MGAT4A: variants seen among roughly 807,000 people sequenced by gnomAD.
MGAT4A encodes the protein N-acetylglucosaminyltransferase IVa.
MGAT4A carries 33 observed loss-of-function variants against 74.1 expected under a neutral mutation model. The ratio of observed to expected loss-of-function variants is 0.45; its 90% CI spans 0.34 to 0.60. MGAT4A has a LOEUF of 0.60. Ranked by LOEUF, MGAT4A falls within the 20% of genes least tolerant of loss-of-function variation. The probability of loss-of-function intolerance (pLI) is 0.02; values close to 1 mark genes in which losing one functional copy is unlikely to be tolerated. For synonymous variants in MGAT4A, 198 were observed against 210.4 expected (o/e 0.94, Z 0.51); for missense variants, 479 against 628.3 (o/e 0.76, Z 2.54).
intron 2 of MGAT4A, among the ~76,000 whole-genome samples, chr2:98,720,709 G>A (rs1702657387): frequency 6.6e-6 from 1 of 152,074 alleles, no homozygotes; most frequent in Admixed American, 6.6e-5. Context: ...ACACAATGGA[G>A]AAAGAATTAG....
At chr2:98,675,551 CTTT>C (rs143576109) in intron 3 of MGAT4A, among the ~76,000 whole-genome samples, 1 of 144,134 alleles carries the variant, frequency 6.9e-6, no homozygotes. Flanking sequence ...CTTCCATTTT[CTTT>C]TTTTTTTTTT....
chr2:98,663,550 G>A (rs1701783877), intron 4 of MGAT4A: 1 of 1,056,460 alleles, frequency 9.5e-7, no homozygotes, highest in Non-Finnish European at 1.3e-6. Context: ...ATGCCGAGAA[G>A]AGCACAACAT....
chr2:98,708,554 A>G (rs1702473106), intron 2 of MGAT4A, among the ~76,000 whole-genome samples: 1 of 152,224 alleles, frequency 6.6e-6, no homozygotes, highest in Non-Finnish European at 1.5e-5. Flanking sequence ...TAGTAACAAA[A>G]CAAAGATCCA....
In MGAT4A at chr2:98,619,892, GCAC is replaced by G. The variant is rs1474209854; in HGVS notation, c.*5671_*5673del. 1.3e-5 allele frequency: 2 copies of G among 152,068 alleles called. No individual in the cohort carries two copies. Among genetic ancestry groups the G allele is most frequent in the African/African-American group, 2.4e-5 (1 of 41,384 alleles). 9.4% of individuals were successfully genotyped at this position (152,068 alleles called of 1,614,324 possible). On this transcript the variant is annotated 3_prime_UTR_variant, in exon 16 of 16. Coordinates refer to ENST00000393487, the MANE Select transcript of MGAT4A (RefSeq NM_012214.3). ...CAATCTTCATTTCAGAACAATTTTA[GCAC>G]CACTTTTTTTTTTCCACAATTTTGA...
Position 98,708,541 on chromosome 2 carries a change from AC to A in MGAT4A, c.94+17697del, listed in dbSNP as rs1702472900. Reference sequence around the variant, plus strand: ...GCTAGGAAGACACTTCAGCAGTTACACTTAGTAACAAAACAAAGATCCACTG... The same window carrying A: ...GCTAGGAAGACACTTCAGCAGTTACATTAGTAACAAAACAAAGATCCACTG... On this transcript the variant is annotated intron_variant, in intron 2 of 15. Coordinates refer to ENST00000393487, the MANE Select transcript of MGAT4A (RefSeq NM_012214.3). Among the ~76,000 whole-genome samples, 7 of 152,334 alleles carry A rather than the reference AC, an allele frequency of 4.6e-5. No individual in the cohort carries two copies. The South Asian group carries it at 1.4e-3, about 32-fold the overall frequency.
At chr2:98,647,820 C>T (rs1184363757) in intron 8 of MGAT4A, among the ~76,000 whole-genome samples, 1 of 152,232 alleles carries the variant, frequency 6.6e-6, no homozygotes, top group East Asian at 1.9e-4. Flanking sequence ...AGGGGTATGT[C>T]TATGACAATC....
At chr2:98,666,429 A>G (rs1701831789) in intron 4 of MGAT4A, among the ~76,000 whole-genome samples, 1 of 152,220 alleles carries the variant, frequency 6.6e-6, no homozygotes, top group African/African-American at 2.4e-5. Context: ...GTGGTGGCTG[A>G]TGCCTTTAAT....
chr2:98,687,806 C>T (rs78020837), intron 2 of MGAT4A, among the ~76,000 whole-genome samples: 4,576 of 152,280 alleles, frequency 0.03, 110 homozygotes, highest in Non-Finnish European at 0.046. Context: ...GACACCATTT[C>T]CAACACCGGC....
chr2:98,721,661 A>G (rs1029242664), intron 2 of MGAT4A, among the ~76,000 whole-genome samples: 2 of 152,194 alleles, frequency 1.3e-5, no homozygotes, highest in Non-Finnish European at 2.9e-5. Context: ...ACAGACCTAC[A>G]TAGGAGCAAC....
chr2:98,650,903 G>A (rs1466692272), intron 8 of MGAT4A, among the ~76,000 whole-genome samples: 1 of 152,024 alleles, frequency 6.6e-6, no homozygotes, highest in Non-Finnish European at 1.5e-5. Flanking sequence ...AGCCGAGATC[G>A]CGCCACTGCA....
chr2:98,645,634 A>G (rs959832349), intron 8 of MGAT4A, 92 bp from the exon 9 acceptor site: 1 of 888,838 alleles, frequency 1.1e-6, no homozygotes, highest in Non-Finnish European at 1.6e-6. Flanking sequence ...GCATACCTTT[A>G]TCATGAAAAT....
intron 2 of MGAT4A, among the ~76,000 whole-genome samples, chr2:98,697,190 A>C (rs1027059255): frequency 6.6e-6 from 1 of 152,238 alleles, no homozygotes; most frequent in Non-Finnish European, 1.5e-5. Context: ...AAAGGTTGGC[A>C]CCCATGCCAT....
intron 14 of MGAT4A, among the ~76,000 whole-genome samples, chr2:98,631,525 C>G (rs1433266227): frequency 6.6e-5 from 10 of 152,370 alleles, no homozygotes; most frequent in Non-Finnish European, 5.9e-5. Flanking sequence ...GGCAGGCACA[C>G]AAGTGGCTGG....
chr2:98,684,991 C>T (rs1039114307), intron 2 of MGAT4A, among the ~76,000 whole-genome samples: 3 of 152,274 alleles, frequency 2.0e-5, no homozygotes, highest in Non-Finnish European at 4.4e-5. Context: ...AATCCCAGTG[C>T]TCTGGGAGGC....
intron 4 of MGAT4A, among the ~76,000 whole-genome samples, chr2:98,664,720 A>T (rs758588545): frequency 2.0e-5 from 3 of 152,194 alleles, no homozygotes; most frequent in Non-Finnish European, 4.4e-5. Flanking sequence ...TAATCATTTA[A>T]CTTGCGAAAA....
At chr2:98,641,819 C>G (rs1474994857) in intron 10 of MGAT4A, among the ~76,000 whole-genome samples, 1 of 151,510 alleles carries the variant, frequency 6.6e-6, no homozygotes, top group Non-Finnish European at 1.5e-5. Context: ...ACGGTGAAAC[C>G]TGGTCTCTAC....
intron 2 of MGAT4A, among the ~76,000 whole-genome samples, chr2:98,689,338 A>G (rs955791280): frequency 1.3e-5 from 2 of 152,236 alleles, no homozygotes; most frequent in Non-Finnish European, 2.9e-5. Flanking sequence ...GAAAGCAGGT[A>G]GTATCACTAT....
chr2:98,717,654 T>C (rs1702610920), intron 2 of MGAT4A, among the ~76,000 whole-genome samples: 3 of 152,224 alleles, frequency 2.0e-5, no homozygotes, highest in South Asian at 4.1e-4. Flanking sequence ...TTTTTGTACA[T>C]TTATTGTAAC....
At chr2:98,666,061 C>A (rs1437357504) in intron 4 of MGAT4A, among the ~76,000 whole-genome samples, 1 of 152,116 alleles carries the variant, frequency 6.6e-6, no homozygotes, top group Admixed American at 6.5e-5. Flanking sequence ...AAGAGATTAC[C>A]AAATTTCACA....
Sources: gnomAD v4.1 joint callset for allele counts (sites outside exome capture counted in the v4.1 genomes callset) on GRCh38, gnomAD v4.1.1 for gene constraint, MANE v1.5 for transcripts, NCBI Gene and HGNC (gene_info 2026-07-23, HGNC 2026-07-21) for gene names.